The following CADM1 variants were observed in gnomAD, a reference collection of about 807,000 sequenced individuals.
CADM1 encodes TSLC-1.
CADM1 carries 15 observed loss-of-function variants against 53.1 expected under a neutral mutation model. The ratio of observed to expected loss-of-function variants is 0.28; its 90% CI spans 0.19 to 0.44. CADM1 has a LOEUF of 0.44. CADM1 is among the 20% of genes least tolerant of loss of function. The pLI, the probability that CADM1 is intolerant of heterozygous loss-of-function variation, is 1.00. For synonymous variants in CADM1, 281 were observed against 243.0 expected (o/e 1.16, Z -1.45); for missense variants, 434 against 611.3 (o/e 0.71, Z 3.06).
chr11:115,332,018 G>T (rs1278051750), intron 1 of CADM1, among the ~76,000 whole-genome samples: 1 of 152,108 alleles, frequency 6.6e-6, no homozygotes, highest in Non-Finnish European at 1.5e-5. Context: ...ATGCCCAGGT[G>T]CCTGAGCGTA....
At chr11:115,370,384 T>G (rs1471660519) in intron 1 of CADM1, among the ~76,000 whole-genome samples, 1 of 152,108 alleles carries the variant, frequency 6.6e-6, no homozygotes, top group Non-Finnish European at 1.5e-5. Flanking sequence ...TCCTAAGCCC[T>G]GACGAGGGGG....
chr11:115,360,021 C>T (rs1322434093), intron 1 of CADM1, among the ~76,000 whole-genome samples: 2 of 152,304 alleles, frequency 1.3e-5, no homozygotes, highest in East Asian at 3.9e-4. Flanking sequence ...TGTTCACCTA[C>T]TATGTGCCAG....
intron 1 of CADM1, among the ~76,000 whole-genome samples, chr11:115,451,097 AGCAAG>A (rs1192794990): frequency 6.6e-6 from 1 of 152,236 alleles, no homozygotes; most frequent in African/African-American, 2.4e-5. Flanking sequence ...ATACTGCTGT[AGCAAG>A]TTTTATGTCT....
rs149751865 is a variant in CADM1, at chr11:115,346,902, T to C, written c.125-106482A>G. 2.2e-4 allele frequency among the ~76,000 whole-genome samples: 34 copies of C among 152,072 alleles called. 1 individual carries two copies. In the East Asian group the frequency reaches 6.2e-3, roughly 28 times the overall value. ...TCTTTGACCCAGATCAGACTATGTA[T>C]AGCCGTATTTAACAAAGAATAATAA... On this transcript the variant is annotated intron_variant, in intron 1 of 11. Coordinates refer to ENST00000331581, the MANE Select transcript of CADM1 (RefSeq NM_001301043.2).
At chr11:115,269,652 T>C (rs1943244226) in intron 1 of CADM1, among the ~76,000 whole-genome samples, 1 of 152,192 alleles carries the variant, frequency 6.6e-6, no homozygotes, top group Admixed American at 6.5e-5. Flanking sequence ...GCTTCAACTC[T>C]GACTCCAAAC....
At chr11:115,207,455 T>C (rs938450230) in intron 8 of CADM1, 2 of 152,192 alleles carry the variant, frequency 1.3e-5, no homozygotes, top group Non-Finnish European at 2.9e-5. Flanking sequence ...CAGTGAGTTG[T>C]AGCTGTTTGA....
intron 5 of CADM1, among the ~76,000 whole-genome samples, chr11:115,221,927 G>C (rs1446592089): frequency 6.6e-6 from 1 of 152,090 alleles, no homozygotes; most frequent in African/African-American, 2.4e-5. Flanking sequence ...TCTAAATCAG[G>C]AAATGCAGGT....
intron 10 of CADM1, chr11:115,190,605 A>G (rs1939800496): frequency 2.6e-6 from 1 of 378,842 alleles, no homozygotes; most frequent in Non-Finnish European, 4.7e-6. Context: ...CATAAACATT[A>G]TTTGAAGCCA....
At position 115,175,082 on chromosome 11, in the gene CADM1, T is replaced by C. The variant is rs1938962060; in HGVS notation, c.*1392A>G. 2 of 985,736 alleles carry C rather than the reference T, an allele frequency of 2.0e-6. No homozygotes were observed. Among genetic ancestry groups the C allele is most frequent in the African/African-American group, 1.7e-5 (1 of 57,228 alleles). The allele number at this position is 985,736 out of a possible 1,614,324, so 61.1% of individuals were successfully genotyped here. On this transcript the variant is annotated 3_prime_UTR_variant, in exon 12 of 12. Coordinates refer to ENST00000331581, the MANE Select transcript of CADM1 (RefSeq NM_001301043.2). ...GGCTGAGGAAAGAGGCCAAGGCTAG[T>C]GTATGAAAGGTAAAAAGATAAAAAC... is the stretch of plus-strand genomic sequence containing the variant.
rs529569533 is a variant in CADM1, at chr11:115,413,754, C to G, written c.124+90517G>C. On this transcript the variant is annotated intron_variant, in intron 1 of 11. Transcript: ENST00000331581. ...CTGCTTCCAGGGTTTAAGTGATTCT[C>G]CTGCCTCAGCCTGTGGAGTAGCTGG... 2.0e-5 allele frequency among the ~76,000 whole-genome samples: 3 copies of G among 151,562 alleles called. No homozygotes were observed. In the East Asian group the frequency reaches 5.8e-4, roughly 30 times the overall value.
At chr11:115,209,493 G>C in intron 8 of CADM1, 81 bp downstream of exon 8, 1 of 1,591,932 alleles carries the variant, frequency 6.3e-7, no homozygotes, top group Non-Finnish European at 8.6e-7. Context: ...GATTTAAAGG[G>C]AACTTTTCGG....
chr11:115,396,075 A>C lies in CADM1; in HGVS notation c.124+108196T>G, dbSNP rs151131975. On this transcript the variant is annotated intron_variant, in intron 1 of 11. Transcript: ENST00000331581. ...TATTTTTATGCCATCCAAATGGGAG[A>C]CTGTCCCAGATACCAGATGATGAAG... 5.9e-3 allele frequency among the ~76,000 whole-genome samples: 893 copies of C among 152,288 alleles called. 11 individuals are homozygous for C. The highest frequency in any genetic ancestry group is 0.021 in the African/African-American group (852 of 41,554).
At chr11:115,205,458 C>A (rs1940629572) in intron 8 of CADM1, among the ~76,000 whole-genome samples, 1 of 152,174 alleles carries the variant, frequency 6.6e-6, no homozygotes, top group Non-Finnish European at 1.5e-5. Flanking sequence ...CTCACTCACA[C>A]TCCCCCACCT....
chr11:115,484,787 A>C (rs373911019), intron 1 of CADM1, among the ~76,000 whole-genome samples: 6 of 152,068 alleles, frequency 3.9e-5, no homozygotes, highest in African/African-American at 1.4e-4. Context: ...CTCTACTAAA[A>C]ATACAAAAAA....
At chr11:115,261,347 T>C (rs1035147513) in intron 1 of CADM1, among the ~76,000 whole-genome samples, 5 of 152,218 alleles carry the variant, frequency 3.3e-5, no homozygotes, top group African/African-American at 1.2e-4. Context: ...AGGACCTCTG[T>C]ACCACTACTT....
chr11:115,385,859 A>G (rs2135167189), intron 1 of CADM1, among the ~76,000 whole-genome samples: 1 of 152,290 alleles, frequency 6.6e-6, no homozygotes, highest in Non-Finnish European at 1.5e-5. Context: ...TGACCAGTAT[A>G]AAAAATAGAA....
intron 1 of CADM1, among the ~76,000 whole-genome samples, chr11:115,371,048 A>C (rs1246888726): frequency 6.6e-6 from 1 of 152,218 alleles, no homozygotes; most frequent in Non-Finnish European, 1.5e-5. Flanking sequence ...CCATATTTCA[A>C]GCAAAGCTAA....
At chr11:115,233,951 T>C (rs1941920276) in intron 3 of CADM1, among the ~76,000 whole-genome samples, 1 of 152,224 alleles carries the variant, frequency 6.6e-6, no homozygotes, top group South Asian at 2.1e-4. Context: ...ACTTTATCTG[T>C]ATAACTTTGG....
chr11:115,180,701 A>G (rs1939267812), intron 10 of CADM1, among the ~76,000 whole-genome samples: 1 of 151,934 alleles, frequency 6.6e-6, no homozygotes, highest in African/African-American at 2.4e-5. Flanking sequence ...GCTGCTGGAC[A>G]CGGGGTGTCT....
Sources: allele counts gnomAD v4.1 joint callset (sites outside exome capture counted in the v4.1 genomes callset), GRCh38; gene constraint gnomAD v4.1.1; transcripts MANE v1.5; gene names NCBI Gene and HGNC (gene_info 2026-07-23, HGNC 2026-07-21).